The following RBM47 variants were observed in gnomAD, a reference collection of about 807,000 sequenced individuals.
The protein encoded by RBM47 is RNA binding motif protein 47.
A neutral mutation model predicts 47.1 loss-of-function variants in RBM47; 21 were observed. That is an observed-to-expected ratio of 0.45 (90% CI 0.32 to 0.64). RBM47 has a LOEUF of 0.64. RBM47 is among the 30% of genes least tolerant of loss of function. The probability of loss-of-function intolerance (pLI) is 0.05; values close to 1 mark genes in which losing one functional copy is unlikely to be tolerated. For missense variants in RBM47, 708 were observed against 870.9 expected, an observed-to-expected ratio of 0.81 and a Z score of 2.35; for synonymous variants, 375 against 361.7, an observed-to-expected ratio of 1.04 and a Z score of -0.42.
chr4:40,432,965 C>T, intron 5 of RBM47, 103 bp from the exon 6 acceptor site: 1 of 1,457,936 alleles, frequency 6.9e-7, no homozygotes, highest in Non-Finnish European at 9.0e-7. Context: ...TTTTTAAAAA[C>T]TTTTCTTTTT....
Position 40,425,811 on chromosome 4 carries a change from G to A in RBM47, c.*93C>T. On this transcript the variant is annotated 3_prime_UTR_variant, in exon 7 of 7. Coordinates refer to ENST00000295971, the MANE Select transcript of RBM47 (RefSeq NM_001098634.2). ...TGCTAACATTCTTCACTTTCAGGTTGCATGTGTGAATCCAACATGTTCCTT... is the reference window on the plus strand; with the variant it reads ...TGCTAACATTCTTCACTTTCAGGTTACATGTGTGAATCCAACATGTTCCTT... 6.8e-7 allele frequency: 1 copy of A among 1,469,620 alleles called. No individual in the cohort carries two copies. 91.0% of individuals were successfully genotyped at this position (1,469,620 alleles called of 1,614,324 possible). A position where few individuals can be genotyped will look rare whatever the true frequency, so the allele number is the denominator to read the frequency against.
intron 2 of RBM47, among the ~76,000 whole-genome samples, chr4:40,523,487 C>T (rs1242589249): frequency 6.6e-6 from 1 of 151,914 alleles, no homozygotes; most frequent in African/African-American, 2.4e-5. Flanking sequence ...CCTGTCTCTA[C>T]CAAAAATACA....
In RBM47 at chr4:40,425,682, T is replaced by C. The variant is rs1714919622; in HGVS notation, c.*222A>G. 2 of 572,376 alleles carry C rather than the reference T, an allele frequency of 3.5e-6. No homozygotes were observed. Among genetic ancestry groups the C allele is most frequent in the East Asian group, 3.2e-5 (1 of 30,872 alleles). 35.5% of individuals were successfully genotyped at this position (572,376 alleles called of 1,614,324 possible). A position where few individuals can be genotyped will look rare whatever the true frequency, so the allele number is the denominator to read the frequency against. On this transcript the variant is annotated 3_prime_UTR_variant, in exon 7 of 7. Transcript: ENST00000295971. ...AAAGATGGAATGAAGGCACGAACCA[T>C]TGCAAGTCTTTTGGAAATGTATGAA...
chr4:40,582,218 GTTGCCAAACTAATC>G (rs1278012663), intron 1 of RBM47, among the ~76,000 whole-genome samples: 4 of 152,130 alleles, frequency 2.6e-5, no homozygotes, highest in African/African-American at 9.7e-5. Context: ...TCTAGTCCTT[GTTGCCAAACTAATC>G]TTTCCAAAAC....
At chr4:40,473,947 T>C (rs1323531854) in intron 2 of RBM47, among the ~76,000 whole-genome samples, 3 of 152,212 alleles carry the variant, frequency 2.0e-5, no homozygotes, top group African/African-American at 7.2e-5. Flanking sequence ...GATTCACAGA[T>C]GGTGGTGATG....
rs188370721 is a variant in RBM47 at position 40,426,546 on chromosome 4, T to A, written c.1543-403A>T. On this transcript the variant is annotated intron_variant, in intron 6 of 6. Transcript: ENST00000295971. The stretch of plus-strand genomic sequence containing the variant: ...CATCCTCCTGTATACTGTAAAAAAA[T>A]TTTTTTTCATAGAGACAAGGTCTCA... Among the ~76,000 whole-genome samples, 1,445 of 152,100 alleles carry A rather than the reference T, an allele frequency of 9.5e-3. 13 individuals carry two copies. Among genetic ancestry groups the A allele is most frequent in the Middle Eastern group, 0.02 (6 of 294 alleles).
chr4:40,463,800 AT>A (rs752393217), intron 3 of RBM47, among the ~76,000 whole-genome samples: 1 of 151,902 alleles, frequency 6.6e-6, no homozygotes, highest in African/African-American at 2.4e-5. Context: ...CAACCTAAAT[AT>A]TTTTTGAGTA....
At chr4:40,560,968 A>G (rs1473124784) in intron 1 of RBM47, among the ~76,000 whole-genome samples, 1 of 150,876 alleles carries the variant, frequency 6.6e-6, no homozygotes, top group Admixed American at 6.6e-5. Flanking sequence ...CTTCTCGGAA[A>G]AAAAAAAAAA....
chr4:40,581,792 G>A (rs889774417), intron 1 of RBM47, among the ~76,000 whole-genome samples: 1 of 151,866 alleles, frequency 6.6e-6, no homozygotes, highest in Non-Finnish European at 1.5e-5. Context: ...AGAAGTGAAA[G>A]GGAGCTTCAG....
chr4:40,619,933 C>G (rs1279277764), intron 1 of RBM47, among the ~76,000 whole-genome samples: 1 of 152,184 alleles, frequency 6.6e-6, no homozygotes, highest in Non-Finnish European at 1.5e-5. Context: ...CACGGTGTCT[C>G]ACGCCTGTAA....
intron 6 of RBM47, among the ~76,000 whole-genome samples, chr4:40,430,368 C>G (rs1440874488): frequency 6.6e-6 from 1 of 152,176 alleles, no homozygotes; most frequent in Non-Finnish European, 1.5e-5. Flanking sequence ...ACATGAAAGA[C>G]AAGTGTTCAT....
At chr4:40,515,066 A>G (rs1560437513) in intron 2 of RBM47, among the ~76,000 whole-genome samples, 1 of 152,218 alleles carries the variant, frequency 6.6e-6, no homozygotes, top group Non-Finnish European at 1.5e-5. Flanking sequence ...ATCCTCCACA[A>G]TAACCAAAGG....
intron 2 of RBM47, among the ~76,000 whole-genome samples, chr4:40,486,895 T>C (rs1406468110): frequency 6.6e-6 from 1 of 152,212 alleles, no homozygotes; most frequent in Non-Finnish European, 1.5e-5. Flanking sequence ...TGTGCAAACA[T>C]TTTTAGCCAG....
chr4:40,441,362 C>T (rs1395112790), intron 3 of RBM47, among the ~76,000 whole-genome samples: 1 of 151,982 alleles, frequency 6.6e-6, no homozygotes, highest in Non-Finnish European at 1.5e-5. Context: ...AAGTAATCCT[C>T]CTGCCTCAGC....
chr4:40,566,234 C>T (rs951195849), intron 1 of RBM47, among the ~76,000 whole-genome samples: 3 of 152,142 alleles, frequency 2.0e-5, no homozygotes, highest in African/African-American at 4.8e-5. Context: ...TAGGGATCAC[C>T]GCCCAGACTT....
At chr4:40,466,325 A>G (rs1167161106) in intron 3 of RBM47, among the ~76,000 whole-genome samples, 2 of 151,708 alleles carry the variant, frequency 1.3e-5, no homozygotes, top group Non-Finnish European at 2.9e-5. Context: ...TTGGGAGGTT[A>G]AGGGTCAGAT....
chr4:40,532,664 T>TC (rs1727527909), intron 2 of RBM47, among the ~76,000 whole-genome samples: 1 of 145,284 alleles, frequency 6.9e-6, no homozygotes, highest in South Asian at 2.2e-4. Context: ...TAAATATTTT[T>TC]TTCCATTTTT....
intron 1 of RBM47, among the ~76,000 whole-genome samples, chr4:40,622,752 C>T (rs1316857351): frequency 6.6e-6 from 1 of 152,156 alleles, no homozygotes; most frequent in East Asian, 1.9e-4. Context: ...CATGGTGGTG[C>T]ATGTCTGTAA....
chr4:40,506,278 G>GA (rs1171978560), intron 2 of RBM47, among the ~76,000 whole-genome samples: 3 of 152,062 alleles, frequency 2.0e-5, no homozygotes, highest in East Asian at 1.9e-4. Flanking sequence ...ATCCTCAAGG[G>GA]AAAAAATGCC....
Sources: gnomAD v4.1 joint callset for allele counts (sites outside exome capture counted in the v4.1 genomes callset) on GRCh38, gnomAD v4.1.1 for gene constraint, MANE v1.5 for transcripts, NCBI Gene and HGNC (gene_info 2026-07-23, HGNC 2026-07-21) for gene names.